ZNF529: variants seen among roughly 807,000 people sequenced by gnomAD.
ZNF529 encodes the protein zinc finger protein 529.
ZNF529 carries 11 observed loss-of-function variants against 10.1 expected under a neutral mutation model. The observed-to-expected ratio is 1.09, with a 90% CI of 0.69 to 1.81. ZNF529 has a LOEUF of 1.81. ZNF529 is among the 40% of genes most tolerant of loss of function. ZNF529 has a pLI of 0.00. For synonymous variants in ZNF529, 204 were observed against 215.7 expected, an observed-to-expected ratio of 0.95 and a Z score of 0.47; for missense variants, 624 against 666.8, an observed-to-expected ratio of 0.94 and a Z score of 0.71.
intron 1 of ZNF529, among the ~76,000 whole-genome samples, chr19:36,603,917 C>G (rs1311042284): frequency 6.6e-6 from 1 of 152,172 alleles, no homozygotes; most frequent in Non-Finnish European, 1.5e-5. Flanking sequence ...CGGTGGCTCA[C>G]GCCTGTAATC....
intron 3 of ZNF529, among the ~76,000 whole-genome samples, chr19:36,555,150 C>G (rs569148510): frequency 4.1e-4 from 62 of 152,190 alleles, no homozygotes; most frequent in Non-Finnish European, 6.0e-4. Flanking sequence ...TACCGTCATT[C>G]CCCTGTACAG....
At chr19:36,594,884 CT>C (rs11408279) in intron 1 of ZNF529, among the ~76,000 whole-genome samples, 2,320 of 144,994 alleles carry the variant, frequency 0.016, 45 homozygotes, top group Admixed American at 0.044. Context: ...TTTCTTTTTT[CT>C]TTTTTTTTTT....
At chr19:36,555,128 G>C (rs2035415519) in intron 3 of ZNF529, among the ~76,000 whole-genome samples, 1 of 151,982 alleles carries the variant, frequency 6.6e-6, no homozygotes, top group South Asian at 2.1e-4. Flanking sequence ...CATCAATAAA[G>C]GTAAGTTTCT....
chr19:36,573,242 C>G lies in ZNF529; in HGVS notation c.-149G>C, dbSNP rs1188474467. The G allele has an allele frequency of 1.6e-5, 5 of 313,606 alleles. No individual in the cohort carries two copies. Among genetic ancestry groups the G allele is most frequent in the South Asian group, 1.2e-4 (5 of 41,210 alleles). The allele number at this position is 313,606 out of a possible 1,614,324, so 19.4% of individuals were successfully genotyped here. On this transcript the variant is annotated 5_prime_UTR_variant, in exon 1 of 5. Transcript: ENST00000591340. Reference sequence around the variant, plus strand: ...GGGCCACCTCACCGCGAGCTCCTCCCGCAGCCCGGCCCGGGTCACCTCGAC... The same window carrying G: ...GGGCCACCTCACCGCGAGCTCCTCCGGCAGCCCGGCCCGGGTCACCTCGAC...
At chr19:36,549,220 T>C (rs758036373) in intron 4 of ZNF529, among the ~76,000 whole-genome samples, 1 of 152,184 alleles carries the variant, frequency 6.6e-6, no homozygotes, top group Non-Finnish European at 1.5e-5. Context: ...TCTAATCCCA[T>C]ATCTAGTGCC....
chr19:36,584,942 G>A (rs1265573347), intron 2 of ZNF529, among the ~76,000 whole-genome samples: 1 of 152,130 alleles, frequency 6.6e-6, no homozygotes, highest in Admixed American at 6.5e-5. Context: ...AGAATAAGGA[G>A]CACTTAATTG....
intron 2 of ZNF529, among the ~76,000 whole-genome samples, chr19:36,565,933 T>C (rs2035881055): frequency 6.6e-6 from 1 of 152,172 alleles, no homozygotes; most frequent in Admixed American, 6.5e-5. Context: ...GTTTTGGATA[T>C]AGTATTAAAG....
chr19:36,579,174 C>T (rs2036408663), intron 2 of ZNF529, among the ~76,000 whole-genome samples: 1 of 151,348 alleles, frequency 6.6e-6, no homozygotes, highest in Admixed American at 6.6e-5. Context: ...GCACTCCAGC[C>T]TGGGAGACAG....
At chr19:36,592,210 G>A (rs1174266409) in intron 1 of ZNF529, among the ~76,000 whole-genome samples, 2 of 150,876 alleles carry the variant, frequency 1.3e-5, no homozygotes, top group Non-Finnish European at 3.0e-5. Flanking sequence ...ACTTGAACCC[G>A]GGAGGCGGAG....
In ZNF529 at chr19:36,568,393, A is replaced by G. The variant is rs73929009; in HGVS notation, c.14+3940T>C. On this transcript the variant is annotated intron_variant, in intron 2 of 4. Transcript: ENST00000591340. The stretch of plus-strand genomic sequence containing the variant: ...CTTCAGGCCAGAAGGAACAAAGCAG[A>G]GCTTATTTGGAACATGCTAATCTGT... Among the ~76,000 whole-genome samples, 390 of 151,768 alleles carry G rather than the reference A, an allele frequency of 2.6e-3. 3 individuals are homozygous for G. Among genetic ancestry groups the G allele is most frequent in the African/African-American group, 8.9e-3 (370 of 41,378 alleles).
intron 1 of ZNF529, among the ~76,000 whole-genome samples, chr19:36,592,445 C>T (rs997931864): frequency 1.3e-5 from 2 of 151,254 alleles, no homozygotes; most frequent in African/African-American, 2.4e-5. Flanking sequence ...ATACAAAAAA[C>T]TAGCTGGGCA....
In ZNF529 at chr19:36,544,662, C is replaced by A. The variant is rs2034945285; in HGVS notation, c.*2204G>T. 6.6e-6 allele frequency: 1 copy of A among 152,130 alleles called. No homozygotes were observed. The highest frequency in any genetic ancestry group is 6.5e-5 in the Admixed American group (1 of 15,270). 9.4% of individuals were successfully genotyped at this position (152,130 alleles called of 1,614,324 possible). A position where few individuals can be genotyped will look rare whatever the true frequency, so the allele number is the denominator to read the frequency against. On this transcript the variant is annotated 3_prime_UTR_variant, in exon 5 of 5. Coordinates refer to ENST00000591340, the MANE Select transcript of ZNF529 (RefSeq NM_020951.5). Reference sequence around the variant, plus strand: ...TTCAAAGATATGAAATAGCAAATATCCTGACAAAAAGGTTAACATACTCTT... The same window carrying A: ...TTCAAAGATATGAAATAGCAAATATACTGACAAAAAGGTTAACATACTCTT...
chr19:36,550,557 A>C (rs1039019518), intron 4 of ZNF529, among the ~76,000 whole-genome samples: 5 of 152,104 alleles, frequency 3.3e-5, no homozygotes, highest in African/African-American at 7.2e-5. Flanking sequence ...AAAAAAAAAG[A>C]AGCTCACTAT....
intron 1 of ZNF529, among the ~76,000 whole-genome samples, chr19:36,599,079 C>T (rs993502960): frequency 1.3e-5 from 2 of 152,166 alleles, no homozygotes; most frequent in African/African-American, 4.8e-5. Flanking sequence ...AACAAAAGAT[C>T]AGTCTTGTTC....
intron 4 of ZNF529, among the ~76,000 whole-genome samples, chr19:36,551,327 A>G (rs761256101): frequency 7.9e-5 from 12 of 152,212 alleles, no homozygotes; most frequent in Admixed American, 6.5e-5. Flanking sequence ...GCTTTGGACA[A>G]AAAGTGAGAA....
At chr19:36,583,989 A>G (rs985310728) in intron 2 of ZNF529, among the ~76,000 whole-genome samples, 4 of 152,164 alleles carry the variant, frequency 2.6e-5, no homozygotes, top group Non-Finnish European at 1.5e-5. Flanking sequence ...ACAACTTTTC[A>G]AAATTAAACT....
At position 36,546,122 on chromosome 19, in the gene ZNF529, TCA is replaced by T. The variant is rs1328887884; in HGVS notation, c.*742_*743del. 2.0e-5 allele frequency: 3 copies of T among 148,438 alleles called. No individual in the cohort carries two copies. The South Asian group carries it at 6.4e-4, about 32-fold the overall frequency. 9.2% of individuals were successfully genotyped at this position (148,438 alleles called of 1,614,324 possible). ...CATGTGTGGGCATATATAGTATACATCACACACATATACATCACACACTATAT... is the reference window on the plus strand; with the variant it reads ...CATGTGTGGGCATATATAGTATACATCACACATATACATCACACACTATAT... On this transcript the variant is annotated 3_prime_UTR_variant, in exon 5 of 5. Transcript: ENST00000591340.
At chr19:36,567,730 C>G (rs1239478229) in intron 2 of ZNF529, among the ~76,000 whole-genome samples, 1 of 152,012 alleles carries the variant, frequency 6.6e-6, no homozygotes, top group African/African-American at 2.4e-5. Flanking sequence ...GTCTGAGCCA[C>G]TGCATCTGGC....
chr19:36,591,335 G>A lies in ZNF529; in HGVS notation c.-127-1634C>T, dbSNP rs567098983. ...AAAAGAAAATAATTATTATAGACAAGTCAACAAATTTGAGAATTCAGATGA... is the reference window on the plus strand; with the variant it reads ...AAAAGAAAATAATTATTATAGACAAATCAACAAATTTGAGAATTCAGATGA... On this transcript the variant is annotated intron_variant, in intron 1 of 4. Coordinates refer to the ZNF529 transcript ENST00000585960. Among the ~76,000 whole-genome samples, 5 of 148,760 alleles carry A rather than the reference G, an allele frequency of 3.4e-5. No homozygotes were observed. The South Asian group carries it at 8.6e-4, about 26-fold the overall frequency.
Sources: gnomAD v4.1 joint callset for allele counts (sites outside exome capture counted in the v4.1 genomes callset) on GRCh38, gnomAD v4.1.1 for gene constraint, MANE v1.5 for transcripts, NCBI Gene and HGNC (gene_info 2026-07-23, HGNC 2026-07-21) for gene names.